DCLRE1C: variants seen among roughly 807,000 people sequenced by gnomAD.
The protein encoded by DCLRE1C is DNA cross-link repair 1C, also known as protein artemis.
DCLRE1C carries 47 observed loss-of-function variants against 61.4 expected under a neutral mutation model. That is an observed-to-expected ratio of 0.77 (90% CI 0.61 to 0.98). DCLRE1C has a LOEUF of 0.98. DCLRE1C is among the 50% of genes least tolerant of loss of function. DCLRE1C has a pLI of 0.00. For missense variants in DCLRE1C, 858 were observed against 816.0 expected (o/e 1.05, Z -0.63); for synonymous variants, 337 against 287.6 (o/e 1.17, Z -1.74).
intron 13 of DCLRE1C, among the ~76,000 whole-genome samples, chr10:14,911,606 TAAAAG>T (rs1421922540): frequency 6.6e-6 from 1 of 151,914 alleles, no homozygotes; most frequent in Non-Finnish European, 1.5e-5. Flanking sequence ...GCATATGCAA[TAAAAG>T]AAAAAAATAG....
chr10:14,938,071 C>A, intron 4 of DCLRE1C, among the ~76,000 whole-genome samples: 1 of 152,136 alleles, frequency 6.6e-6, no homozygotes. Context: ...AGGGACTCCT[C>A]ATGGAAGTCT....
At position 14,920,386 on chromosome 10, in the gene DCLRE1C, C is replaced by T. The variant is rs1020533420; in HGVS notation, c.1062-554G>A. The T allele has an allele frequency of 1.4e-5, 14 of 1,013,604 alleles. No homozygotes were observed. In the South Asian group the frequency reaches 3.2e-4, roughly 23 times the overall value. The allele number at this position is 1,013,604 out of a possible 1,614,324, so 62.8% of individuals were successfully genotyped here. A position where few individuals can be genotyped will look rare whatever the true frequency, so the allele number is the denominator to read the frequency against. ...AGATTTGAAGACGTCCTACCCCTTTCGAAGGCCTCACTGCCAACTGCCTCC... is the reference window on the plus strand; with the variant it reads ...AGATTTGAAGACGTCCTACCCCTTTTGAAGGCCTCACTGCCAACTGCCTCC... On this transcript the variant is annotated intron_variant, in intron 12 of 13. Coordinates refer to ENST00000378278, the MANE Select transcript of DCLRE1C (RefSeq NM_001033855.3).
At chr10:14,909,528 T>C (rs1834893294) in intron 13 of DCLRE1C, among the ~76,000 whole-genome samples, 198 bp from the exon 14 acceptor site, 2 of 151,476 alleles carry the variant, frequency 1.3e-5, no homozygotes, top group Non-Finnish European at 2.9e-5. Context: ...AGAGTATCAG[T>C]GGAGAATATA....
At chr10:14,933,442 G>GGA (rs1452209732) in intron 8 of DCLRE1C, among the ~76,000 whole-genome samples, 1 of 152,086 alleles carries the variant, frequency 6.6e-6, no homozygotes. Context: ...ATCGAGACCA[G>GGA]CCTGGCCAAC....
At chr10:14,939,773 AT>A (rs766607530) in intron 4 of DCLRE1C, 36 bp downstream of exon 4, 14 of 1,530,054 alleles carry the variant, frequency 9.2e-6, no homozygotes, top group African/African-American at 5.5e-5. Context: ...TTAGCACCAC[AT>A]TTTTTTAAAA....
chr10:14,930,617 G>C (rs11259395), intron 9 of DCLRE1C, among the ~76,000 whole-genome samples: 1 of 151,882 alleles, frequency 6.6e-6, no homozygotes, highest in Non-Finnish European at 1.5e-5. Flanking sequence ...ATTTTTACTA[G>C]AGACGGGGTT....
chr10:14,934,683 G>T lies in DCLRE1C; in HGVS notation c.537+20C>A, dbSNP rs199843069. On this transcript the variant is annotated intron_variant, in intron 7 of 13. Transcript: ENST00000378278. Reference sequence around the variant, plus strand: ...ACGGGCACACCCAGATGATAACCCTGTTCCTCCAGGCAGACTTACCCGACT... The same window carrying T: ...ACGGGCACACCCAGATGATAACCCTTTTCCTCCAGGCAGACTTACCCGACT... The T allele has an allele frequency of 8.0e-4, 1,295 of 1,612,964 alleles. 4 individuals carry two copies. Among genetic ancestry groups the T allele is most frequent in the South Asian group, 2.7e-3 (242 of 91,044 alleles).
intron 1 of DCLRE1C, among the ~76,000 whole-genome samples, chr10:14,951,689 C>T (rs1041348401): frequency 6.6e-6 from 1 of 152,152 alleles, no homozygotes; most frequent in African/African-American, 2.4e-5. Flanking sequence ...TCTCACTATG[C>T]ACTCACATGG....
At chr10:14,914,072 T>G (rs946298484) in intron 13 of DCLRE1C, among the ~76,000 whole-genome samples, 1 of 152,178 alleles carries the variant, frequency 6.6e-6, no homozygotes, top group Non-Finnish European at 1.5e-5. Flanking sequence ...ACCATTAAAC[T>G]AAGTGGACTA....
intron 8 of DCLRE1C, 62 bp from the exon 9 acceptor site, chr10:14,933,017 GTTAA>G (rs1839288271): frequency 6.3e-7 from 1 of 1,579,616 alleles, no homozygotes; most frequent in Non-Finnish European, 8.7e-7. Flanking sequence ...ATTGTTCAAG[GTTAA>G]TTACTCAGGG....
In DCLRE1C at chr10:14,928,757, G is replaced by A. The variant is rs41297990; in HGVS notation, c.781-605C>T. ...AAGAGAGGTGCAAAGTGTTGGCAAC[G>A]CAGCAAATCCAAACGAAGGGTGTAT... On this transcript the variant is annotated intron_variant, in intron 9 of 13. Coordinates refer to ENST00000378278, the MANE Select transcript of DCLRE1C (RefSeq NM_001033855.3). Among the ~76,000 whole-genome samples the A allele has an allele frequency of 6.0e-3, 916 of 151,662 alleles. 8 individuals carry two copies. Among genetic ancestry groups the A allele is most frequent in the Middle Eastern group, 0.01 (3 of 292 alleles).
intron 9 of DCLRE1C, among the ~76,000 whole-genome samples, chr10:14,931,341 C>T (rs1053587053): frequency 6.6e-6 from 1 of 151,152 alleles, no homozygotes; most frequent in Non-Finnish European, 1.5e-5. Flanking sequence ...TGTGTGGTCA[C>T]GAGGTTAGGA....
intron 1 of DCLRE1C, 65 bp downstream of exon 1, chr10:14,953,837 C>T (rs1842814094): frequency 3.1e-6 from 5 of 1,601,748 alleles, no homozygotes; most frequent in Middle Eastern, 1.8e-4. Context: ...CCAGGGCCGG[C>T]CCCCTCCTGT....
rs1834749694 is a variant in DCLRE1C, at chr10:14,908,761, C to T, written c.1726G>A (p.Ala576Thr). ...TCTTTGATTGTTGGTCTGTAGTCAG[C>T]TTTGTCCAAGGAAGTAATATCCCCA... ...NSGDITSLDK[A>T]DYRPTIKENI... The change falls in exon 14 of 14, where the codon GCT (alanine) becomes ACT (threonine). Residue 576 changes from alanine (A) to threonine (T), a missense_variant. By Grantham distance (58) the Ala-to-Thr change is moderately conservative. Transcript: ENST00000378278. 1.2e-6 allele frequency: 2 copies of T among 1,614,190 alleles called. No individual in the cohort carries two copies. Among genetic ancestry groups the T allele is most frequent in the East Asian group, 2.2e-5 (1 of 44,878 alleles).
At chr10:14,930,464 G>T (rs1838800568) in intron 9 of DCLRE1C, among the ~76,000 whole-genome samples, 2 of 142,968 alleles carry the variant, frequency 1.4e-5, no homozygotes, top group East Asian at 2.2e-4. Context: ...GCAGAGTCTT[G>T]CTCTGTCACC....
chr10:14,934,617 T>C, intron 7 of DCLRE1C, 86 bp downstream of exon 7: 1 of 1,612,902 alleles, frequency 6.2e-7, no homozygotes, highest in Non-Finnish European at 8.5e-7. Flanking sequence ...CGGGGACAGT[T>C]AGGATATGAC....
At chr10:14,954,175 G>A, upstream of DCLRE1C, 1 of 1,240,870 alleles carries the variant, frequency 8.1e-7, no homozygotes, top group Non-Finnish European at 1.1e-6. Flanking sequence ...CAAAGTCAAG[G>A]AGCATCCGGT....
At chr10:14,954,106 C>G, upstream of DCLRE1C, 19 of 1,589,682 alleles carry the variant, frequency 1.2e-5, no homozygotes, top group Non-Finnish European at 1.6e-5. Flanking sequence ...CGCGCGCTGC[C>G]TCGCCATTGG....
At chr10:14,935,272 G>T (rs1402602868) in intron 6 of DCLRE1C, among the ~76,000 whole-genome samples, 191 bp downstream of exon 6, 1 of 152,010 alleles carries the variant, frequency 6.6e-6, no homozygotes, top group Non-Finnish European at 1.5e-5. Flanking sequence ...TTCAAGACCA[G>T]CCTGCCCAAC....
Sources: allele counts gnomAD v4.1 joint callset (sites outside exome capture counted in the v4.1 genomes callset), GRCh38; gene constraint gnomAD v4.1.1; transcripts MANE v1.5; gene names NCBI Gene and HGNC (gene_info 2026-07-23, HGNC 2026-07-21).